FOXJ3: variants seen among roughly 807,000 people sequenced by gnomAD.
FOXJ3 encodes the protein forkhead box J3.
FOXJ3 carries 22 observed loss-of-function variants against 76.1 expected under a neutral mutation model. The ratio of observed to expected loss-of-function variants is 0.29; its 90% CI spans 0.21 to 0.41. The LOEUF is 0.41. Ranked by LOEUF, FOXJ3 falls within the 10% of genes least tolerant of loss-of-function variation. The pLI, the probability that FOXJ3 is intolerant of heterozygous loss-of-function variation, is 1.00. For synonymous variants in FOXJ3, 269 were observed against 261.2 expected, an observed-to-expected ratio of 1.03 and a Z score of -0.29; for missense variants, 613 against 762.1, an observed-to-expected ratio of 0.80 and a Z score of 2.30.
chr1:42,188,017 T>C lies in FOXJ3; in HGVS notation c.1645+720A>G, dbSNP rs913875901. Among the ~76,000 whole-genome samples, 14 of 152,152 alleles carry C rather than the reference T, an allele frequency of 9.2e-5. No homozygotes were observed. The East Asian group carries it at 1.5e-3, about 17-fold the overall frequency. ...GGTGAACGAAAGATGTGAAGTAAGA[T>C]AGAATAATGGTTAAAGGAAGCCACT... is the stretch of plus-strand genomic sequence containing the variant. On this transcript the variant is annotated intron_variant, in intron 11 of 12. Coordinates refer to ENST00000361346, the MANE Select transcript of FOXJ3 (RefSeq NM_014947.5).
intron 4 of FOXJ3, chr1:42,264,825 T>G (rs114776725): frequency 6.1e-6 from 2 of 328,258 alleles, no homozygotes; most frequent in Non-Finnish European, 1.1e-5. Flanking sequence ...TATGTAATAA[T>G]GAATTATGGT....
At chr1:42,192,863 T>C (rs912046981) in intron 8 of FOXJ3, among the ~76,000 whole-genome samples, 6 of 152,220 alleles carry the variant, frequency 3.9e-5, no homozygotes, top group African/African-American at 1.4e-4. Flanking sequence ...ACTGTATTTG[T>C]GTTCATTGCA....
At chr1:42,182,436 C>T (rs1222876399) in intron 11 of FOXJ3, among the ~76,000 whole-genome samples, 2 of 152,200 alleles carry the variant, frequency 1.3e-5, no homozygotes, top group African/African-American at 4.8e-5. Context: ...GAAAGGCTAA[C>T]CTGACTTGCC....
chr1:42,184,987 A>T (rs1646405410), intron 11 of FOXJ3, among the ~76,000 whole-genome samples: 1 of 152,076 alleles, frequency 6.6e-6, no homozygotes, highest in Non-Finnish European at 1.5e-5. Flanking sequence ...ATCAGAAATA[A>T]TCAGTGATCA....
chr1:42,267,352 A>AG (rs1393539533), intron 3 of FOXJ3, among the ~76,000 whole-genome samples: 3 of 152,160 alleles, frequency 2.0e-5, no homozygotes, highest in Admixed American at 1.3e-4. Context: ...ACCCTCTCCA[A>AG]GCACAAATTA....
At chr1:42,234,046 T>C (rs1354853944) in intron 4 of FOXJ3, among the ~76,000 whole-genome samples, 3 of 152,218 alleles carry the variant, frequency 2.0e-5, no homozygotes, top group Non-Finnish European at 2.9e-5. Flanking sequence ...GCATCTGATA[T>C]AGATTTGGTC....
At chr1:42,191,792 A>G (rs1646554241) in intron 8 of FOXJ3, 73 bp from the exon 9 acceptor site, 1 of 1,511,048 alleles carries the variant, frequency 6.6e-7, no homozygotes, top group East Asian at 2.3e-5. Flanking sequence ...AAAATTATTA[A>G]CATAACAAAA....
chr1:42,223,385 CTTTAG>C (rs932007024), intron 5 of FOXJ3, among the ~76,000 whole-genome samples: 1 of 152,198 alleles, frequency 6.6e-6, no homozygotes, highest in African/African-American at 2.4e-5. Context: ...GATCTCATAA[CTTTAG>C]TTTATCTAAC....
chr1:42,186,828 A>G (rs1646446289), intron 11 of FOXJ3, among the ~76,000 whole-genome samples: 1 of 152,176 alleles, frequency 6.6e-6, no homozygotes, highest in African/African-American at 2.4e-5. Flanking sequence ...TAACATGTAC[A>G]CTGGCTTTTG....
chr1:42,207,960 C>T (rs1350803453), intron 5 of FOXJ3, among the ~76,000 whole-genome samples: 4 of 152,204 alleles, frequency 2.6e-5, no homozygotes, highest in Non-Finnish European at 5.9e-5. Context: ...AGGTACAAAT[C>T]TCATATTCCC....
At position 42,191,491 on chromosome 1, in the gene FOXJ3, T is replaced by G; in HGVS notation, c.1163A>C (p.His388Pro). 1 of 1,613,876 alleles carries G rather than the reference T, an allele frequency of 6.2e-7. No homozygotes were observed. Among genetic ancestry groups the G allele is most frequent in the South Asian group, 1.1e-5 (1 of 91,066 alleles). Residue 388 changes from histidine (H) to proline (P), a missense_variant, in exon 9 of 13, where the codon CAT (histidine) becomes CCT (proline). His to Pro is a moderately conservative substitution (Grantham distance 77, BLOSUM62 -2). Around this residue, in one of 3 missense-constraint regions of FOXJ3, gnomAD observed 526 missense variants for 601.4 expected, o/e 0.87. Coordinates refer to ENST00000361346, the MANE Select transcript of FOXJ3 (RefSeq NM_014947.5). Reference sequence around the variant, plus strand: ...ACGCTGCGGATGCTGCGGTAAACCATGCGGTCGATGGGGAGGATGTGGAGA... The same window carrying G: ...ACGCTGCGGATGCTGCGGTAAACCAGGCGGTCGATGGGGAGGATGTGGAGA... ...QPSPHPPHRPHGLPQHPQRSP... is the reference protein window; with the variant it reads ...QPSPHPPHRPPGLPQHPQRSP...
chr1:42,311,650 A>AAGTAGTAGTAGTAGT (rs142219815), intron 1 of FOXJ3, among the ~76,000 whole-genome samples: 8,269 of 149,440 alleles, frequency 0.055, 350 homozygotes, highest in East Asian at 0.14. Context: ...TTTAAAAAAA[A>AAGTAGTAGTAGTAGT]AGTAGTAGTA....
In FOXJ3 at chr1:42,278,674, T is replaced by C; in HGVS notation, c.45-2A>G. The C allele has an allele frequency of 6.2e-7, 1 of 1,603,802 alleles. No individual in the cohort carries two copies. Among genetic ancestry groups the C allele is most frequent in the Non-Finnish European group, 8.5e-7 (1 of 1,171,894 alleles). The stretch of plus-strand genomic sequence containing the variant: ...CTGCTCTCCAGTTCAGATGTCATCC[T>C]GAAGGTAAATAGACTCCTTAGTCAA... On this transcript the variant is annotated splice_acceptor_variant, in intron 2 of 12. Coordinates refer to ENST00000361346, the MANE Select transcript of FOXJ3 (RefSeq NM_014947.5). LOFTEE classifies it high-confidence loss of function.
At chr1:42,260,777 G>A (rs1188591221) in intron 4 of FOXJ3, among the ~76,000 whole-genome samples, 1 of 152,122 alleles carries the variant, frequency 6.6e-6, no homozygotes, top group Admixed American at 6.6e-5. Context: ...AATCTCTATG[G>A]TCACTGAGGC....
At chr1:42,275,311 T>A (rs1392359957) in intron 3 of FOXJ3, among the ~76,000 whole-genome samples, 1 of 152,198 alleles carries the variant, frequency 6.6e-6, no homozygotes, top group Non-Finnish European at 1.5e-5. Context: ...ATGATAGACC[T>A]AAAGCCCTAT....
chr1:42,222,406 AG>A (rs1647248479), intron 5 of FOXJ3, among the ~76,000 whole-genome samples: 1 of 152,124 alleles, frequency 6.6e-6, no homozygotes, highest in African/African-American at 2.4e-5. Flanking sequence ...AGCTATTTGG[AG>A]AATGAATGCA....
chr1:42,305,775 G>A (rs182005805), intron 2 of FOXJ3, among the ~76,000 whole-genome samples: 3 of 152,266 alleles, frequency 2.0e-5, no homozygotes, highest in East Asian at 3.9e-4. Flanking sequence ...AATAAAAGGA[G>A]TGACTAAGAC....
chr1:42,299,623 T>C (rs748005339), intron 2 of FOXJ3, among the ~76,000 whole-genome samples: 3 of 151,790 alleles, frequency 2.0e-5, no homozygotes, highest in African/African-American at 7.3e-5. Context: ...AATATTGATA[T>C]GTGGCTGGGT....
intron 5 of FOXJ3, among the ~76,000 whole-genome samples, chr1:42,209,685 TGAG>T (rs770093301): frequency 3.9e-5 from 6 of 152,220 alleles, no homozygotes; most frequent in Non-Finnish European, 4.4e-5. Flanking sequence ...GGGGAGAATA[TGAG>T]GAGAAGCAGC....
Sources: gnomAD v4.1 joint callset for allele counts (sites outside exome capture counted in the v4.1 genomes callset) on GRCh38, gnomAD v4.1.1 for gene constraint, gnomAD v4.1.1 regional missense constraint, MANE v1.5 for transcripts, NCBI Gene and HGNC (gene_info 2026-07-23, HGNC 2026-07-21) for gene names.